Variants in HNRNPL observed in about 807,000 individuals in gnomAD.
The protein encoded by HNRNPL is heterogeneous nuclear ribonucleoprotein L.
A neutral mutation model predicts 64.0 loss-of-function variants in HNRNPL; 12 were observed. The ratio of observed to expected loss-of-function variants is 0.19; its 90% CI spans 0.12 to 0.30. HNRNPL has a LOEUF of 0.30. Ranked by LOEUF, HNRNPL falls within the 10% of genes least tolerant of loss-of-function variation. The pLI is 1.00. For synonymous variants in HNRNPL, 385 were observed against 313.0 expected (o/e 1.23, Z -2.43); for missense variants, 484 against 797.4 (o/e 0.61, Z 4.73).
intron 2 of HNRNPL, among the ~76,000 whole-genome samples, chr19:38,846,962 C>T (rs901037170): frequency 1.3e-5 from 2 of 151,964 alleles, no homozygotes; most frequent in East Asian, 1.9e-4. Context: ...GGCATGGTGG[C>T]GCATGCCTAT....
At chr19:38,842,421 CTTTT>C (rs543992276) in intron 6 of HNRNPL, 1 of 151,890 alleles carries the variant, frequency 6.6e-6, no homozygotes, top group Non-Finnish European at 1.5e-5. Context: ...GGATTTTGAC[CTTTT>C]TTTTAATGTT....
intron 1 of HNRNPL, 46 bp downstream of exon 1, chr19:38,849,654 G>T (rs574127246): frequency 1.5e-6 from 2 of 1,304,112 alleles, no homozygotes; most frequent in Admixed American, 3.6e-5. Flanking sequence ...CTGGGAAATT[G>T]TCCCCCAGTT....
In HNRNPL at chr19:38,838,491, G is replaced by T. The variant is rs1972002576; in HGVS notation, c.1463C>A (p.Pro488Gln). The change falls in exon 10 of 13, where the codon CCA becomes CAA. Residue 488 changes from proline (P) to glutamine (Q), a missense_variant. Transcript: ENST00000221419. The stretch of plus-strand genomic sequence containing the variant: ...GATGCGGTTCTTGGCTGCCTGCTCT[G>T]GGGTGGAGAACCGATTGTTCCGGGA... ...SESRNNRFST[P>Q]EQAAKNRIQH... 21 of 1,614,108 alleles carry T rather than the reference G, an allele frequency of 1.3e-5. No homozygotes were observed. Among genetic ancestry groups the T allele is most frequent in the Non-Finnish European group, 1.8e-5 (21 of 1,179,966 alleles).
chr19:38,842,319 C>A (rs1349471970), intron 6 of HNRNPL: 1 of 152,348 alleles, frequency 6.6e-6, no homozygotes, highest in African/African-American at 2.4e-5. Context: ...ATGAAACGTT[C>A]TCCGAAAAGA....
Position 38,849,955 on chromosome 19 carries a change from C to G in HNRNPL, c.12G>C (p.Arg4Ser). The stretch of plus-strand genomic sequence containing the variant: ...GCCGCTTCTCCGCCCGGGGCAGCAG[C>G]CTCCGCGACATGGCGGCGCAGAACC... MSR[R>S]LLPRAEKRRR... Residue 4 changes from arginine to serine, a missense_variant, in exon 1 of 13, where the codon AGG (arginine) becomes AGC (serine). This residue lies in a region of HNRNPL where 190 missense variants were observed against 160.1 expected (regional missense o/e 1.19). Transcript: ENST00000221419. The G allele has an allele frequency of 7.4e-7, 1 of 1,347,190 alleles. No homozygotes were observed. Among genetic ancestry groups the G allele is most frequent in the Non-Finnish European group, 9.6e-7 (1 of 1,042,064 alleles). 83.5% of individuals were successfully genotyped at this position (1,347,190 alleles called of 1,614,324 possible).
intron 4 of HNRNPL, 67 bp from the exon 5 acceptor site, chr19:38,844,171 T>TGATACCAGAGA: frequency 2.9e-6 from 3 of 1,024,482 alleles, no homozygotes; most frequent in Non-Finnish European, 4.6e-6. Flanking sequence ...TACCCCAGAG[T>TGATACCAGAGA]GTGATAAGGA....
rs2090164263 is a variant in HNRNPL at position 38,836,390 on chromosome 19, CTG to C, written c.*330_*331del. 2 of 211,962 alleles carry C rather than the reference CTG, an allele frequency of 9.4e-6. No individual in the cohort carries two copies. The highest frequency in any genetic ancestry group is 1.9e-5 in the Non-Finnish European group (2 of 104,072). 13.1% of individuals were successfully genotyped at this position (211,962 alleles called of 1,614,324 possible). A position where few individuals can be genotyped will look rare whatever the true frequency, so the allele number is the denominator to read the frequency against. ...AGACATCCTGGAATCCCAGCAAGTG[CTG>C]TGTTTATTTTCCAAACAATTTTATT... On this transcript the variant is annotated 3_prime_UTR_variant, in exon 13 of 13. Coordinates refer to ENST00000221419, the MANE Select transcript of HNRNPL (RefSeq NM_001533.3).
rs1454651383 is a variant in HNRNPL at position 38,845,649 on chromosome 19, T to C, written c.710+1A>G. On this transcript the variant is annotated splice_donor_variant, in intron 4 of 12. Coordinates refer to ENST00000221419, the MANE Select transcript of HNRNPL (RefSeq NM_001533.3). LOFTEE classifies it high-confidence loss of function. ...AACACCTGTTTTCCAGCAAAGGATATTCCACCATCGCCTGAACTCCATTCT... is the reference window on the plus strand; with the variant it reads ...AACACCTGTTTTCCAGCAAAGGATACTCCACCATCGCCTGAACTCCATTCT... The C allele has an allele frequency of 6.2e-7, 1 of 1,611,102 alleles. No homozygotes were observed. Among genetic ancestry groups the C allele is most frequent in the Non-Finnish European group, 8.5e-7 (1 of 1,177,362 alleles).
At chr19:38,847,742 C>T in intron 1 of HNRNPL, 1 of 194,482 alleles carries the variant, frequency 5.1e-6, no homozygotes, top group Admixed American at 6.1e-5. Context: ...CCCTCTCTTC[C>T]CACTGGTCCA....
intron 2 of HNRNPL, among the ~76,000 whole-genome samples, chr19:38,847,080 A>C (rs1306652680): frequency 6.6e-6 from 1 of 152,196 alleles, no homozygotes; most frequent in Non-Finnish European, 1.5e-5. Context: ...CTCTGTCTGA[A>C]AAAGAGAACA....
chr19:38,841,766 AAT>A, intron 6 of HNRNPL: 1 of 560,098 alleles, frequency 1.8e-6, no homozygotes, highest in Non-Finnish European at 3.0e-6. Context: ...TTTAAAAGTC[AAT>A]ATTTTGATTA....
intron 4 of HNRNPL, chr19:38,845,427 G>A (rs1021107526): frequency 1.9e-6 from 1 of 539,928 alleles, no homozygotes; most frequent in Non-Finnish European, 3.3e-6. Flanking sequence ...AAATTCCTTT[G>A]TATCTCCCAA....
At chr19:38,847,131 A>T (rs1203706431) in intron 2 of HNRNPL, among the ~76,000 whole-genome samples, 185 bp downstream of exon 2, 2 of 152,226 alleles carry the variant, frequency 1.3e-5, no homozygotes, top group African/African-American at 4.8e-5. Flanking sequence ...CGAAGGAAGG[A>T]AAAAGGGTCA....
intron 2 of HNRNPL, among the ~76,000 whole-genome samples, chr19:38,846,563 G>C (rs1328724165): frequency 6.6e-6 from 1 of 152,188 alleles, no homozygotes; most frequent in Non-Finnish European, 1.5e-5. Context: ...CTTGGGCCTA[G>C]GAGTTTGAGA....
rs1370729415 is a variant in HNRNPL, at chr19:38,846,129, A to G, written c.387-39T>C. The stretch of plus-strand genomic sequence containing the variant: ...CACAGGTTTCAATCCTCTCAGGAAA[A>G]TGTAGACAGGAGGAGGGTATCATTT... On this transcript the variant is annotated intron_variant, in intron 2 of 12. Coordinates refer to ENST00000221419, the MANE Select transcript of HNRNPL (RefSeq NM_001533.3). The G allele has an allele frequency of 3.4e-6, 5 of 1,449,488 alleles. No homozygotes were observed. The East Asian group carries it at 9.1e-5, about 26-fold the overall frequency. 89.8% of individuals were successfully genotyped at this position (1,449,488 alleles called of 1,614,324 possible). A position where few individuals can be genotyped will look rare whatever the true frequency, so the allele number is the denominator to read the frequency against.
Position 38,849,829 on chromosome 19 carries a change from G to C in HNRNPL, c.138C>G (p.Arg46=). 8.1e-7 allele frequency: 1 copy of C among 1,241,640 alleles called. No individual in the cohort carries two copies. The highest frequency in any genetic ancestry group is 1.1e-6 in the Non-Finnish European group (1 of 895,002). 76.9% of individuals were successfully genotyped at this position (1,241,640 alleles called of 1,614,324 possible). A position where few individuals can be genotyped will look rare whatever the true frequency, so the allele number is the denominator to read the frequency against. Residue 46 remains arginine (R), a synonymous_variant, in exon 1 of 13, where the codon CGC becomes CGG. Coordinates refer to ENST00000221419, the MANE Select transcript of HNRNPL (RefSeq NM_001533.3). ...CGCCCTCACTGCCGCCGCCGTAGTA[G>C]CGGCCACCGCCGCCTCCGCCGCCCG... is the stretch of plus-strand genomic sequence containing the variant. ...AAAGGGGGGG[R]YYGGGSEGGR...
intron 4 of HNRNPL, 124 bp from the exon 5 acceptor site, chr19:38,844,228 A>G: frequency 1.5e-6 from 1 of 662,622 alleles, no homozygotes; most frequent in Non-Finnish European, 2.7e-6. Context: ...CTTTGGGATT[A>G]GCTCACTGCC....
intron 1 of HNRNPL, chr19:38,849,417 G>T (rs1345788236): frequency 4.3e-5 from 16 of 372,570 alleles, no homozygotes; most frequent in Non-Finnish European, 7.6e-5. Context: ...CGCGTGCCCG[G>T]CCCCCACACG....
chr19:38,846,243 T>C (rs972110000), intron 2 of HNRNPL, among the ~76,000 whole-genome samples, 153 bp from the exon 3 acceptor site: 1 of 152,058 alleles, frequency 6.6e-6, no homozygotes, highest in African/African-American at 2.4e-5. Context: ...GTGCCACAAG[T>C]AGTACCAAAA....
Sources: allele counts gnomAD v4.1 joint callset (sites outside exome capture counted in the v4.1 genomes callset), GRCh38; gene constraint gnomAD v4.1.1; regional missense constraint gnomAD v4.1.1; transcripts MANE v1.5; gene names NCBI Gene and HGNC (gene_info 2026-07-23, HGNC 2026-07-21).